Variants in SLC2A13 observed in about 807,000 individuals in gnomAD.
SLC2A13 encodes the protein solute carrier family 2 member 13.
Under a neutral mutation model 64.4 loss-of-function variants are expected in SLC2A13, and 32 were observed. That is an observed-to-expected ratio of 0.50 (90% CI 0.37 to 0.67). The LOEUF is 0.67. Ranked by LOEUF, SLC2A13 falls within the 30% of genes least tolerant of loss-of-function variation. The pLI, the probability that SLC2A13 is intolerant of heterozygous loss-of-function variation, is 0.00. For missense variants in SLC2A13, 743 were observed against 829.2 expected (o/e 0.90, Z 1.28); for synonymous variants, 338 against 327.1 (o/e 1.03, Z -0.36).
chr12:39,910,726 A>T (rs7315985), intron 4 of SLC2A13, among the ~76,000 whole-genome samples: 1 of 151,930 alleles, frequency 6.6e-6, no homozygotes, highest in Non-Finnish European at 1.5e-5. Context: ...ATGTATGACT[A>T]TATGTGTGGT....
intron 3 of SLC2A13, among the ~76,000 whole-genome samples, chr12:40,000,745 T>C (rs1248132507): frequency 6.6e-6 from 1 of 152,232 alleles, no homozygotes; most frequent in South Asian, 2.1e-4. Flanking sequence ...GTTATAGTGA[T>C]TAGCGTTTAC....
At chr12:40,091,667 G>T (rs1938773190) in intron 1 of SLC2A13, among the ~76,000 whole-genome samples, 1 of 152,096 alleles carries the variant, frequency 6.6e-6, no homozygotes, top group Non-Finnish European at 1.5e-5. Flanking sequence ...GGTGAAATGA[G>T]GTAACTAACT....
intron 7 of SLC2A13, among the ~76,000 whole-genome samples, chr12:39,806,467 A>G (rs570740212): frequency 1.1e-3 from 167 of 152,260 alleles, no homozygotes; most frequent in South Asian, 5.0e-3. Context: ...TTTCCCTGGG[A>G]TCCAATTAGA....
chr12:39,900,285 C>G (rs1212735752), intron 4 of SLC2A13, among the ~76,000 whole-genome samples: 2 of 152,224 alleles, frequency 1.3e-5, no homozygotes, highest in South Asian at 4.2e-4. Context: ...TGGCACAAGA[C>G]AGGGATGCCC....
At chr12:39,938,040 T>C (rs562522946) in intron 4 of SLC2A13, among the ~76,000 whole-genome samples, 21 of 152,222 alleles carry the variant, frequency 1.4e-4, no homozygotes, top group Admixed American at 3.9e-4. Flanking sequence ...ATGCCTCAAA[T>C]CCTGTATCGA....
intron 4 of SLC2A13, among the ~76,000 whole-genome samples, chr12:39,934,256 C>A (rs571263125): frequency 6.6e-6 from 1 of 152,204 alleles, no homozygotes; most frequent in Non-Finnish European, 1.5e-5. Context: ...TAACAACTAG[C>A]AATTCCTAAA....
intron 2 of SLC2A13, among the ~76,000 whole-genome samples, chr12:40,042,057 G>A (rs1948098027): frequency 6.6e-6 from 1 of 152,182 alleles, no homozygotes; most frequent in South Asian, 2.1e-4. Context: ...TTGTGCATGA[G>A]TCAGCCTCAG....
intron 4 of SLC2A13, among the ~76,000 whole-genome samples, chr12:39,948,285 T>C (rs1273292064): frequency 6.6e-6 from 1 of 152,044 alleles, no homozygotes; most frequent in Admixed American, 6.5e-5. Context: ...GGGTAGAGGA[T>C]GAGAATGTAT....
At chr12:39,833,334 G>GAT (rs1461470005) in intron 6 of SLC2A13, among the ~76,000 whole-genome samples, 1 of 152,048 alleles carries the variant, frequency 6.6e-6, no homozygotes, top group East Asian at 1.9e-4. Context: ...CCCCTGTGGA[G>GAT]ATATTTCGCC....
chr12:39,890,201 T>A (rs2135977911), intron 4 of SLC2A13, among the ~76,000 whole-genome samples: 1 of 152,298 alleles, frequency 6.6e-6, no homozygotes, highest in East Asian at 1.9e-4. Flanking sequence ...AATATTATTC[T>A]CCTTACAGAG....
rs1215275529 is a variant in SLC2A13 at position 39,896,341 on chromosome 12, CATAT to C, written c.1035-24384_1035-24381del. Among the ~76,000 whole-genome samples the C allele has an allele frequency of 6.4e-5, 6 of 93,412 alleles. 1 individual carries two copies. In the East Asian group the frequency reaches 1.4e-3, roughly 21 times the overall value. 61.3% of individuals were successfully genotyped at this position (93,412 alleles called of 152,430 possible). On this transcript the variant is annotated intron_variant, in intron 4 of 9. Transcript: ENST00000280871. ...GTATGTATATGTGTATATATGTATACATATATGTATGTATATGTGTATATATGTA... is the reference window on the plus strand; with the variant it reads ...GTATGTATATGTGTATATATGTATACATGTATGTATATGTGTATATATGTA...
At chr12:39,934,541 G>C (rs958344404) in intron 4 of SLC2A13, among the ~76,000 whole-genome samples, 2 of 152,166 alleles carry the variant, frequency 1.3e-5, no homozygotes, top group African/African-American at 4.8e-5. Flanking sequence ...TCTAAAGAAG[G>C]CATGCCTGAG....
intron 7 of SLC2A13, among the ~76,000 whole-genome samples, chr12:39,814,928 T>G (rs1398261933): frequency 6.6e-6 from 1 of 152,194 alleles, no homozygotes; most frequent in African/African-American, 2.4e-5. Flanking sequence ...GCTGAGATTT[T>G]TAAGTTGGTC....
chr12:39,922,416 A>G (rs1310026189), intron 4 of SLC2A13, among the ~76,000 whole-genome samples: 1 of 152,194 alleles, frequency 6.6e-6, no homozygotes, highest in East Asian at 1.9e-4. Flanking sequence ...TTAGTATTTC[A>G]TGTTGGTCTG....
At chr12:39,991,784 A>T (rs1947142331) in intron 3 of SLC2A13, among the ~76,000 whole-genome samples, 1 of 133,974 alleles carries the variant, frequency 7.5e-6, no homozygotes, top group Non-Finnish European at 1.6e-5. Flanking sequence ...CTTCATTTCA[A>T]GATTATATTC....
chr12:39,790,112 G>T (rs4576894), intron 7 of SLC2A13, among the ~76,000 whole-genome samples: 1 of 149,886 alleles, frequency 6.7e-6, no homozygotes, highest in East Asian at 1.9e-4. Context: ...AAGATTCTGT[G>T]CATTCTTTTG....
At chr12:39,898,065 G>C (rs540690052) in intron 4 of SLC2A13, among the ~76,000 whole-genome samples, 2 of 151,916 alleles carry the variant, frequency 1.3e-5, no homozygotes, top group East Asian at 1.9e-4. Context: ...TATTGAGGAG[G>C]CTTTAGCAAA....
At chr12:40,096,661 A>G (rs1382620173) in intron 1 of SLC2A13, among the ~76,000 whole-genome samples, 1 of 151,804 alleles carries the variant, frequency 6.6e-6, no homozygotes, top group Non-Finnish European at 1.5e-5. Context: ...ACTCTTCCAA[A>G]CAGTTGGATC....
chr12:39,775,950 C>T (rs1442269027), intron 7 of SLC2A13, among the ~76,000 whole-genome samples: 1 of 152,172 alleles, frequency 6.6e-6, no homozygotes, highest in Non-Finnish European at 1.5e-5. Flanking sequence ...ATCATGTCAG[C>T]ACTCAAAAAG....
Sources: gnomAD v4.1 joint callset for allele counts (sites outside exome capture counted in the v4.1 genomes callset) on GRCh38, gnomAD v4.1.1 for gene constraint, MANE v1.5 for transcripts, NCBI Gene and HGNC (gene_info 2026-07-23, HGNC 2026-07-21) for gene names.